The following DLG2 variants were observed in gnomAD, a reference collection of about 807,000 sequenced individuals.
DLG2 encodes the protein discs large MAGUK scaffold protein 2, also known as disks large homolog 2.
DLG2 carries 45 observed loss-of-function variants against 132.5 expected under a neutral mutation model. That is an observed-to-expected ratio of 0.34 (90% CI 0.27 to 0.44). DLG2 has a LOEUF of 0.44. Ranked by LOEUF, DLG2 falls within the 20% of genes least tolerant of loss-of-function variation. DLG2 has a pLI of 1.00. For synonymous variants in DLG2, 424 were observed against 419.6 expected (o/e 1.01, Z -0.13); for missense variants, 1,045 against 1,196.9 (o/e 0.87, Z 1.87).
chr11:83,569,199 CTG>C (rs1555201224), intron 19 of DLG2, among the ~76,000 whole-genome samples: 4 of 43,004 alleles, frequency 9.3e-5, no homozygotes, highest in African/African-American at 3.9e-4. Context: ...AAGCTTTATG[CTG>C]TTTTTTTTAA....
At chr11:85,365,875 T>G (rs1054071778) in intron 3 of DLG2, among the ~76,000 whole-genome samples, 2 of 151,678 alleles carry the variant, frequency 1.3e-5, no homozygotes, top group East Asian at 3.9e-4. Flanking sequence ...TAAGTGGGAG[T>G]TGAACAATGA....
chr11:84,007,800 G>A (rs1459594744), intron 11 of DLG2, among the ~76,000 whole-genome samples: 1 of 151,566 alleles, frequency 6.6e-6, no homozygotes, highest in African/African-American at 2.4e-5. Context: ...TAGCTTCTCT[G>A]AGAATCAGTT....
At chr11:85,191,519 G>A (rs528418774) in intron 4 of DLG2, among the ~76,000 whole-genome samples, 8 of 152,112 alleles carry the variant, frequency 5.3e-5, no homozygotes, top group Admixed American at 3.3e-4. Context: ...TTACTGACAC[G>A]CTCTCAGAAG....
chr11:85,286,092 T>G (rs756231266), intron 3 of DLG2: 5 of 447,806 alleles, frequency 1.1e-5, no homozygotes, highest in African/African-American at 1.0e-4. Context: ...AAAAAAGTAC[T>G]GACTTAAGTA....
chr11:85,359,524 G>C (rs1207847704), intron 3 of DLG2, among the ~76,000 whole-genome samples: 2 of 152,166 alleles, frequency 1.3e-5, no homozygotes, highest in Non-Finnish European at 2.9e-5. Flanking sequence ...TGTGTACATA[G>C]TGCTATGCTG....
At chr11:83,701,241 T>TGGCAAGTTACTCAATTTTGCTGAACTTC (rs2082886740) in intron 18 of DLG2, among the ~76,000 whole-genome samples, 1 of 152,146 alleles carries the variant, frequency 6.6e-6, no homozygotes, top group African/African-American at 2.4e-5. Flanking sequence ...TGAGTAACTT[T>TGGCAAGTTACTCAATTTTGCTGAACTTC]GGCAAGTTAC....
chr11:85,105,263 C>A (rs984176561), intron 6 of DLG2, among the ~76,000 whole-genome samples: 15 of 151,764 alleles, frequency 9.9e-5, no homozygotes, highest in African/African-American at 3.4e-4. Flanking sequence ...CTGTGGGTTC[C>A]CTTTCTGGGC....
chr11:84,515,007 A>G (rs2099268246), intron 7 of DLG2, among the ~76,000 whole-genome samples: 2 of 151,920 alleles, frequency 1.3e-5, no homozygotes, highest in African/African-American at 4.8e-5. Context: ...GTAACATTTT[A>G]AAATAAGTCT....
At chr11:84,201,713 T>G (rs931217417) in intron 8 of DLG2, among the ~76,000 whole-genome samples, 1 of 151,892 alleles carries the variant, frequency 6.6e-6, no homozygotes, top group Admixed American at 6.6e-5. Context: ...TGTATCAATT[T>G]TTTCTAGATT....
intron 7 of DLG2, among the ~76,000 whole-genome samples, chr11:84,495,212 T>C (rs927509707): frequency 2.6e-5 from 4 of 152,144 alleles, no homozygotes; most frequent in Admixed American, 1.3e-4. Context: ...TTGCTATTTC[T>C]CTGACACAGG....
In DLG2 at chr11:85,178,532, G is replaced by A. The variant is rs144956114; in HGVS notation, c.187-23881C>T. On this transcript the variant is annotated intron_variant, in intron 4 of 27. Coordinates refer to ENST00000376104, the MANE Select transcript of DLG2 (RefSeq NM_001142699.3). Reference sequence around the variant, plus strand: ...AAATTAGTAATCAGAATGTAAATATGTCCAATATGAATATAATAAAAGGAA... The same window carrying A: ...AAATTAGTAATCAGAATGTAAATATATCCAATATGAATATAATAAAAGGAA... Among the ~76,000 whole-genome samples, 3 of 151,926 alleles carry A rather than the reference G, an allele frequency of 2.0e-5. No individual in the cohort carries two copies. The East Asian group carries it at 5.8e-4, about 29-fold the overall frequency.
At chr11:84,418,543 C>A (rs1223669007) in intron 7 of DLG2, among the ~76,000 whole-genome samples, 1 of 152,172 alleles carries the variant, frequency 6.6e-6, no homozygotes, top group African/African-American at 2.4e-5. Context: ...AGTTTGAAAT[C>A]CTGGTGGAGT....
intron 15 of DLG2, among the ~76,000 whole-genome samples, chr11:83,879,137 A>G (rs1373961483): frequency 6.6e-6 from 1 of 152,232 alleles, no homozygotes; most frequent in Non-Finnish European, 1.5e-5. Flanking sequence ...TCTATTACAC[A>G]TGGAACACAA....
chr11:83,640,878 A>G (rs1335689997), intron 18 of DLG2, among the ~76,000 whole-genome samples: 3 of 152,168 alleles, frequency 2.0e-5, no homozygotes, highest in African/African-American at 7.2e-5. Flanking sequence ...TTACTTATAG[A>G]GTGAGAAGAG....
intron 4 of DLG2, among the ~76,000 whole-genome samples, chr11:85,270,262 T>G (rs1465092199): frequency 1.3e-5 from 2 of 152,144 alleles, no homozygotes; most frequent in Non-Finnish European, 2.9e-5. Context: ...TCTCATGAGA[T>G]CTGATGGTTT....
At chr11:84,833,771 G>A (rs2079349450) in intron 6 of DLG2, among the ~76,000 whole-genome samples, 1 of 151,548 alleles carries the variant, frequency 6.6e-6, no homozygotes, top group African/African-American at 2.4e-5. Context: ...ATGCATTAAG[G>A]TCCATTTTAA....
intron 6 of DLG2, among the ~76,000 whole-genome samples, chr11:85,031,974 G>A (rs78671926): frequency 2.0e-5 from 1 of 49,656 alleles, no homozygotes; most frequent in African/African-American, 8.0e-5. Flanking sequence ...TTTTTTTTTT[G>A]TATTTTCAGT....
At chr11:84,978,842 C>T (rs936445073) in intron 6 of DLG2, among the ~76,000 whole-genome samples, 6 of 152,066 alleles carry the variant, frequency 3.9e-5, no homozygotes, top group African/African-American at 1.4e-4. Context: ...AGAGCGTCTG[C>T]ACAGCAAAAG....
chr11:85,425,938 C>T (rs751658238), intron 3 of DLG2, among the ~76,000 whole-genome samples: 1 of 152,238 alleles, frequency 6.6e-6, no homozygotes, highest in Non-Finnish European at 1.5e-5. Flanking sequence ...CACTCCCACC[C>T]TAATACTGTG....
Sources: gnomAD v4.1 joint callset for allele counts (sites outside exome capture counted in the v4.1 genomes callset) on GRCh38, gnomAD v4.1.1 for gene constraint, MANE v1.5 for transcripts, NCBI Gene and HGNC (gene_info 2026-07-23, HGNC 2026-07-21) for gene names.